The following MEGF10 variants were observed in gnomAD, a reference collection of about 807,000 sequenced individuals.
The protein encoded by MEGF10 is multiple EGF like domains 10.
MEGF10 carries 86 observed loss-of-function variants against 147.5 expected under a neutral mutation model. That is an observed-to-expected ratio of 0.58 (90% CI 0.49 to 0.70). The LOEUF (loss-of-function observed/expected upper bound fraction) is 0.70, where lower values mean the gene tolerates loss of function less well. Ranked by LOEUF, MEGF10 falls within the 30% of genes least tolerant of loss-of-function variation. MEGF10 has a pLI of 0.00. For missense variants in MEGF10, 1,329 were observed against 1,487.3 expected, an observed-to-expected ratio of 0.89 and a Z score of 1.75; for synonymous variants, 478 against 525.5, an observed-to-expected ratio of 0.91 and a Z score of 1.24.
chr5:127,310,018 T>TCCTTCCTTCCTTCCTTCC (rs58548600), intron 1 of MEGF10, among the ~76,000 whole-genome samples: 1 of 27,368 alleles, frequency 3.7e-5, no homozygotes, highest in Non-Finnish European at 8.9e-5. Flanking sequence ...TCCTTTCTTT[T>TCCTTCCTTCCTTCCTTCC]TTTCTTTCTT....
At chr5:127,266,331 G>A in the MEGF10 span, among the ~76,000 whole-genome samples, 1 of 152,006 alleles carries the variant, frequency 6.6e-6, no homozygotes, top group Non-Finnish European at 1.5e-5. Flanking sequence ...TAGCCTTGTA[G>A]TATAGTTTGA....
the MEGF10 span, among the ~76,000 whole-genome samples, chr5:127,270,017 C>G: frequency 6.6e-6 from 1 of 152,316 alleles, no homozygotes; most frequent in East Asian, 1.9e-4. Flanking sequence ...AAATCCTTTA[C>G]AGACAAGCAA....
the MEGF10 span, among the ~76,000 whole-genome samples, chr5:127,245,102 A>T: frequency 1.9e-4 from 29 of 152,296 alleles, no homozygotes; most frequent in African/African-American, 6.7e-4. Flanking sequence ...TTAGAAAAAA[A>T]CTATTTTAAA....
chr5:127,282,716 C>T, the MEGF10 span, among the ~76,000 whole-genome samples: 4 of 152,310 alleles, frequency 2.6e-5, no homozygotes, highest in African/African-American at 9.6e-5. Flanking sequence ...GGGACAACAT[C>T]CCCTCTCCCC....
chr5:127,236,103 G>C, the MEGF10 span, among the ~76,000 whole-genome samples: 1 of 152,090 alleles, frequency 6.6e-6, no homozygotes, highest in African/African-American at 2.4e-5. Flanking sequence ...CTCCCAAGTA[G>C]CTGGGACTAC....
intron 5 of MEGF10, among the ~76,000 whole-genome samples, chr5:127,370,204 G>T (rs1561600017): frequency 6.6e-6 from 1 of 152,172 alleles, no homozygotes; most frequent in African/African-American, 2.4e-5. Flanking sequence ...ATAAAGAAAA[G>T]TTCTTGGAAA....
intron 9 of MEGF10, among the ~76,000 whole-genome samples, chr5:127,417,373 A>G (rs964900172): frequency 1.3e-5 from 2 of 152,208 alleles, no homozygotes; most frequent in Non-Finnish European, 2.9e-5. Flanking sequence ...TAAGAGAATT[A>G]AAAAGAATTT....
At position 127,420,175 on chromosome 5, in the gene MEGF10, T is replaced by A. The variant is rs775121810; in HGVS notation, c.1558T>A (p.Trp520Arg). The change falls in exon 12 of 25, where the codon TGG (tryptophan) becomes AGG (arginine). Residue 520 changes from tryptophan to arginine, a missense_variant. Coordinates refer to ENST00000503335, the MANE Select transcript of MEGF10 (RefSeq NM_001256545.2). The stretch of plus-strand genomic sequence containing the variant: ...CGGGACCTGCACGTGTGCACCTGGA[T>A]GGCGCGGGGAGAAATGCGAACTTCC... Reference protein sequence around the residue: ...LDGTCTCAPGWRGEKCELPCQ... With the variant: ...LDGTCTCAPGRRGEKCELPCQ... 6.2e-7 allele frequency: 1 copy of A among 1,614,166 alleles called. No homozygotes were observed. Among genetic ancestry groups the A allele is most frequent in the Non-Finnish European group, 8.5e-7 (1 of 1,180,026 alleles).
At chr5:127,277,432 C>T in the MEGF10 span, among the ~76,000 whole-genome samples, 1 of 152,156 alleles carries the variant, frequency 6.6e-6, no homozygotes, top group Non-Finnish European at 1.5e-5. Flanking sequence ...CACTTCCTTA[C>T]AAGTGTTACT....
intron 1 of MEGF10, among the ~76,000 whole-genome samples, chr5:127,322,203 C>T (rs1475959238): frequency 6.6e-6 from 1 of 151,896 alleles, no homozygotes; most frequent in Non-Finnish European, 1.5e-5. Context: ...TGTTGAACTG[C>T]CTGAAGTCTC....
At chr5:127,352,916 G>C (rs1206180390) in intron 4 of MEGF10, among the ~76,000 whole-genome samples, 1 of 151,934 alleles carries the variant, frequency 6.6e-6, no homozygotes, top group Non-Finnish European at 1.5e-5. Context: ...GATGTGCCCA[G>C]CAGCAGCAGC....
chr5:127,421,346 T>G (rs1056440471), intron 12 of MEGF10, among the ~76,000 whole-genome samples: 2 of 152,210 alleles, frequency 1.3e-5, no homozygotes, highest in Non-Finnish European at 1.5e-5. Flanking sequence ...CTTTTTCTTA[T>G]TTTAACAAGT....
chr5:127,340,674 A>G (rs766699100), intron 4 of MEGF10, 44 bp downstream of exon 4: 1 of 1,542,694 alleles, frequency 6.5e-7, no homozygotes, highest in Middle Eastern at 1.7e-4. Flanking sequence ...AGTTTTTCCC[A>G]GTGCTGGTTT....
At chr5:127,246,895 A>AAC in the MEGF10 span, among the ~76,000 whole-genome samples, 1,200 of 143,428 alleles carry the variant, frequency 8.4e-3, 141 homozygotes, top group Non-Finnish European at 9.6e-3. Flanking sequence ...ATTATACAAT[A>AAC]ATATATACTA....
intron 13 of MEGF10, among the ~76,000 whole-genome samples, chr5:127,423,317 G>A (rs112040526): frequency 6.6e-6 from 1 of 152,244 alleles, no homozygotes; most frequent in African/African-American, 2.4e-5. Flanking sequence ...CCACAGGGTG[G>A]GAGTTTCTCC....
intron 13 of MEGF10, among the ~76,000 whole-genome samples, chr5:127,429,586 A>G (rs1239051749): frequency 6.6e-6 from 1 of 152,190 alleles, no homozygotes; most frequent in Non-Finnish European, 1.5e-5. Context: ...TCCCTCAGGG[A>G]GCTGCCAGAA....
At chr5:127,311,955 C>T (rs771280837) in intron 1 of MEGF10, among the ~76,000 whole-genome samples, 30 of 152,282 alleles carry the variant, frequency 2.0e-4, no homozygotes, top group African/African-American at 6.5e-4. Flanking sequence ...CTCAGTGTTG[C>T]GTGCACTTTA....
chr5:127,258,840 CA>C, the MEGF10 span, among the ~76,000 whole-genome samples: 1 of 152,154 alleles, frequency 6.6e-6, no homozygotes, highest in Non-Finnish European at 1.5e-5. Flanking sequence ...TTGAACTTCC[CA>C]GCCTCCAGAA....
chr5:127,385,167 A>G (rs1763383951), intron 5 of MEGF10, among the ~76,000 whole-genome samples: 1 of 152,236 alleles, frequency 6.6e-6, no homozygotes, highest in Non-Finnish European at 1.5e-5. Context: ...TTTCTTCTCT[A>G]TTAATTTATC....
Sources: gnomAD v4.1 joint callset for allele counts (sites outside exome capture counted in the v4.1 genomes callset) on GRCh38, gnomAD v4.1.1 for gene constraint, MANE v1.5 for transcripts, NCBI Gene and HGNC (gene_info 2026-07-23, HGNC 2026-07-21) for gene names.